Variants in GLIS3 observed in about 807,000 individuals in gnomAD.
GLIS3 encodes the protein GLIS family zinc finger 3.
Under a neutral mutation model 78.6 loss-of-function variants are expected in GLIS3, and 53 were observed. The observed-to-expected ratio is 0.67, with a 90% CI of 0.54 to 0.85. The LOEUF (loss-of-function observed/expected upper bound fraction) is 0.85, where lower values mean the gene tolerates loss of function less well. GLIS3 is among the 40% of genes least tolerant of loss of function. The pLI, the probability that GLIS3 is intolerant of heterozygous loss-of-function variation, is 0.00. For synonymous variants in GLIS3, 684 were observed against 509.9 expected (o/e 1.34, Z -4.60); for missense variants, 1,703 against 1,231.1 (o/e 1.38, Z -5.74).
chr9:4,355,599 G>C, the GLIS3 span, among the ~76,000 whole-genome samples: 1 of 152,134 alleles, frequency 6.6e-6, no homozygotes, highest in African/African-American at 2.4e-5. Flanking sequence ...AGAGGGGAAG[G>C]AGGAGTCAAA....
At chr9:4,389,245 C>T in the GLIS3 span, among the ~76,000 whole-genome samples, 3 of 152,206 alleles carry the variant, frequency 2.0e-5, no homozygotes, top group Non-Finnish European at 4.4e-5. Context: ...GAGATTCAAC[C>T]TCAGGGCTAA....
chr9:4,230,662 C>T (rs1563795482), intron 2 of GLIS3, among the ~76,000 whole-genome samples: 3 of 152,130 alleles, frequency 2.0e-5, no homozygotes, highest in Non-Finnish European at 4.4e-5. Flanking sequence ...CATTATAATA[C>T]CTAATTATGG....
intron 2 of GLIS3, among the ~76,000 whole-genome samples, chr9:4,273,652 T>A (rs1359827019): frequency 6.6e-6 from 1 of 151,654 alleles, no homozygotes; most frequent in African/African-American, 2.4e-5. Flanking sequence ...TTCACATTTA[T>A]CATCTAACTT....
In GLIS3 at chr9:4,284,880, C is replaced by T. The variant is rs1827853455; in HGVS notation, c.388+1158G>A. On this transcript the variant is annotated intron_variant, in intron 2 of 10. Coordinates refer to ENST00000381971, the MANE Select transcript of GLIS3 (RefSeq NM_001042413.2). Reference sequence around the variant, plus strand: ...CTGCAGTGAGACCAAGATCATGCCACTGTACTCCAGCCTGGGTGACAAAGT... The same window carrying T: ...CTGCAGTGAGACCAAGATCATGCCATTGTACTCCAGCCTGGGTGACAAAGT... Among the ~76,000 whole-genome samples the T allele has an allele frequency of 2.0e-5, 3 of 152,128 alleles. No homozygotes were observed. The South Asian group carries it at 6.2e-4, about 31-fold the overall frequency.
intron 9 of GLIS3, among the ~76,000 whole-genome samples, chr9:3,851,862 G>C (rs1819455125): frequency 6.6e-6 from 1 of 152,090 alleles, no homozygotes; most frequent in Non-Finnish European, 1.5e-5. Flanking sequence ...ATGGCTTGGG[G>C]CTGGGAGTGG....
At chr9:4,035,996 G>T (rs576086325) in intron 4 of GLIS3, 4 of 152,382 alleles carry the variant, frequency 2.6e-5, no homozygotes, top group African/African-American at 9.6e-5. Flanking sequence ...TCCTATACCA[G>T]ATGACTTGGC....
chr9:3,901,550 G>GACAA (rs1460070994), intron 6 of GLIS3, among the ~76,000 whole-genome samples: 1 of 152,150 alleles, frequency 6.6e-6, no homozygotes, highest in Non-Finnish European at 1.5e-5. Flanking sequence ...CAGAAAGAAA[G>GACAA]ACAAACACAC....
intron 8 of GLIS3, among the ~76,000 whole-genome samples, chr9:3,868,358 A>G (rs183323466): frequency 6.8e-6 from 1 of 146,614 alleles, no homozygotes; most frequent in Admixed American, 6.8e-5. Flanking sequence ...TTTGTCTTCA[A>G]AATGGAAGTA....
chr9:4,138,253 T>C (rs1199085865), intron 2 of GLIS3, among the ~76,000 whole-genome samples: 2 of 152,176 alleles, frequency 1.3e-5, no homozygotes, highest in African/African-American at 2.4e-5. Context: ...AGAACGCATA[T>C]TGTCATGGGA....
At chr9:4,408,863 T>C in the GLIS3 span, among the ~76,000 whole-genome samples, 1 of 152,070 alleles carries the variant, frequency 6.6e-6, no homozygotes, top group South Asian at 2.1e-4. Flanking sequence ...GTTTGTAACA[T>C]GGGATAAATG....
chr9:4,164,449 G>A (rs1586852155), intron 2 of GLIS3, among the ~76,000 whole-genome samples: 1 of 152,200 alleles, frequency 6.6e-6, no homozygotes, highest in Non-Finnish European at 1.5e-5. Context: ...ATTTCTTCAT[G>A]TTAAAGAGGG....
upstream of GLIS3, among the ~76,000 whole-genome samples, chr9:4,303,290 C>CAG (rs1554654870): frequency 3.4e-4 from 52 of 151,556 alleles, no homozygotes; most frequent in East Asian, 8.0e-3. Flanking sequence ...CACACACACA[C>CAG]GAGCTGGCAA....
At chr9:4,251,399 G>T (rs955727696) in intron 2 of GLIS3, among the ~76,000 whole-genome samples, 3 of 148,618 alleles carry the variant, frequency 2.0e-5, no homozygotes, top group African/African-American at 7.4e-5. Flanking sequence ...TTGGTTTAAA[G>T]TCTGTTTTAT....
chr9:3,848,631 C>T (rs149003588), intron 9 of GLIS3, among the ~76,000 whole-genome samples: 2 of 152,252 alleles, frequency 1.3e-5, no homozygotes, highest in Non-Finnish European at 2.9e-5. Context: ...TGCACAATCA[C>T]TGTGAGTAAA....
the GLIS3 span, among the ~76,000 whole-genome samples, chr9:4,472,976 G>A: frequency 6.6e-6 from 1 of 152,122 alleles, no homozygotes; most frequent in South Asian, 2.1e-4. Flanking sequence ...TATATATCCA[G>A]TAATGGGATT....
intron 4 of GLIS3, among the ~76,000 whole-genome samples, chr9:3,998,335 C>G (rs1011227468): frequency 6.6e-6 from 1 of 152,068 alleles, no homozygotes; most frequent in Non-Finnish European, 1.5e-5. Context: ...ATGCACAGAG[C>G]TAGGAAATAT....
intron 4 of GLIS3, among the ~76,000 whole-genome samples, chr9:3,947,969 A>T (rs1421599460): frequency 2.6e-5 from 4 of 152,202 alleles, no homozygotes; most frequent in Non-Finnish European, 4.4e-5. Flanking sequence ...TGGCTGCCTA[A>T]AAAAGAAAGA....
At chr9:4,046,483 G>A (rs1323446526) in intron 4 of GLIS3, among the ~76,000 whole-genome samples, 2 of 152,140 alleles carry the variant, frequency 1.3e-5, no homozygotes, top group Non-Finnish European at 2.9e-5. Flanking sequence ...CATGACTTAA[G>A]CAGCAGCACA....
intron 2 of GLIS3, among the ~76,000 whole-genome samples, chr9:4,255,763 T>A (rs1404235656): frequency 1.3e-5 from 2 of 152,082 alleles, no homozygotes; most frequent in Non-Finnish European, 2.9e-5. Context: ...GTGAAACTAT[T>A]CTATATTACA....
Sources: gnomAD v4.1 joint callset for allele counts (sites outside exome capture counted in the v4.1 genomes callset) on GRCh38, gnomAD v4.1.1 for gene constraint, MANE v1.5 for transcripts, NCBI Gene and HGNC (gene_info 2026-07-23, HGNC 2026-07-21) for gene names.